SFMBT2: variants seen among roughly 807,000 people sequenced by gnomAD.
The protein encoded by SFMBT2 is Scm like with four mbt domains 2.
Under a neutral mutation model 110.1 loss-of-function variants are expected in SFMBT2, and 38 were observed. That is an observed-to-expected ratio of 0.35 (90% CI 0.27 to 0.45). The LOEUF (loss-of-function observed/expected upper bound fraction) is 0.45. Ranked by LOEUF, SFMBT2 falls within the 20% of genes least tolerant of loss-of-function variation. The probability of loss-of-function intolerance (pLI) is 1.00; values close to 1 mark genes in which losing one functional copy is unlikely to be tolerated. For synonymous variants in SFMBT2, 425 were observed against 425.4 expected (o/e 1.00, Z 0.01); for missense variants, 1,011 against 1,094.9 (o/e 0.92, Z 1.08).
chr10:7,405,285 T>C (rs368906994), intron 1 of SFMBT2, among the ~76,000 whole-genome samples: 2 of 152,212 alleles, frequency 1.3e-5, no homozygotes, highest in East Asian at 3.8e-4. Flanking sequence ...TGGAAGAGTC[T>C]CTTTGAGCCT....
chr10:7,175,018 C>T (rs1428738177), intron 17 of SFMBT2, among the ~76,000 whole-genome samples: 1 of 152,204 alleles, frequency 6.6e-6, no homozygotes, highest in East Asian at 1.9e-4. Flanking sequence ...TCACACTCTG[C>T]ACAGCGTTTC....
rs757121990 is a variant in SFMBT2, at chr10:7,220,406, C to T, written c.1330+5G>A. ...CAGCGACTGCTACCCCCAGCGAGTACGTACCTTCCAGGTGAAGCCACATTA... is the reference window on the plus strand; with the variant it reads ...CAGCGACTGCTACCCCCAGCGAGTATGTACCTTCCAGGTGAAGCCACATTA... On this transcript the variant is annotated splice_donor_5th_base_variant and intron_variant, in intron 11 of 20. Transcript: ENST00000397167. 29 of 1,613,336 alleles carry T rather than the reference C, an allele frequency of 1.8e-5. 1 individual carries two copies. In the East Asian group the frequency reaches 3.8e-4, roughly 21 times the overall value.
chr10:7,338,550 T>C (rs541867734), intron 4 of SFMBT2, among the ~76,000 whole-genome samples: 1 of 152,342 alleles, frequency 6.6e-6, no homozygotes, highest in South Asian at 2.1e-4. Flanking sequence ...TAGTATTCAT[T>C]AAGCGGAAGT....
intron 8 of SFMBT2, among the ~76,000 whole-genome samples, chr10:7,247,277 T>C (rs1769880739): frequency 6.6e-6 from 1 of 151,970 alleles, no homozygotes; most frequent in East Asian, 1.9e-4. Context: ...CCACCATACC[T>C]GGCTAATTTT....
Position 7,255,552 on chromosome 10 carries a change from T to C in SFMBT2, c.871-6903A>G, listed in dbSNP as rs532087718. On this transcript the variant is annotated intron_variant, in intron 7 of 20. Coordinates refer to ENST00000397167, the MANE Select transcript of SFMBT2 (RefSeq NM_001387889.1). ...CATTTTTATTTTTGCCCTAAAGTAG[T>C]TTTATATTGATCAAAAGTAAAATGC... Among the ~76,000 whole-genome samples, 3 of 152,310 alleles carry C rather than the reference T, an allele frequency of 2.0e-5. No homozygotes were observed. In the South Asian group the frequency reaches 6.2e-4, roughly 32 times the overall value.
At chr10:7,188,153 T>C (rs1341071768) in intron 16 of SFMBT2, among the ~76,000 whole-genome samples, 1 of 152,212 alleles carries the variant, frequency 6.6e-6, no homozygotes, top group Non-Finnish European at 1.5e-5. Context: ...TTTGCTGCCA[T>C]TTACTTAACC....
rs763153011 is a variant in SFMBT2 at position 7,176,155 on chromosome 10, T to C, written c.1819A>G (p.Lys607Glu). Residue 607 changes from lysine to glutamate, a missense_variant, in exon 17 of 21, where the codon AAA becomes GAA. Physicochemically the swap from Lys to Glu is moderately conservative, Grantham distance 56. Coordinates refer to ENST00000397167, the MANE Select transcript of SFMBT2 (RefSeq NM_001387889.1). ...EETLKAKYRG[K>E]TYRAVVKIVR... ...ATTTTGACCACAGCCCTGTATGTTT[T>C]GCCTCTGTATCTAGAAAATAGGTGG... 1 of 1,614,212 alleles carries C rather than the reference T, an allele frequency of 6.2e-7. No individual in the cohort carries two copies. The highest frequency in any genetic ancestry group is 8.5e-7 in the Non-Finnish European group (1 of 1,180,016).
At chr10:7,231,292 C>T (rs1261208239) in intron 9 of SFMBT2, among the ~76,000 whole-genome samples, 1 of 152,290 alleles carries the variant, frequency 6.6e-6, no homozygotes, top group East Asian at 1.9e-4. Flanking sequence ...TGGACCTCTG[C>T]TATTTCCTGA....
At chr10:7,243,124 AT>A (rs1840487370) in intron 9 of SFMBT2, among the ~76,000 whole-genome samples, 1 of 152,162 alleles carries the variant, frequency 6.6e-6, no homozygotes, top group African/African-American at 2.4e-5. Context: ...ATAGCATCTA[AT>A]TGTCGGATAT....
chr10:7,242,697 C>A (rs1459453337), intron 9 of SFMBT2, among the ~76,000 whole-genome samples: 1 of 152,128 alleles, frequency 6.6e-6, no homozygotes, highest in Non-Finnish European at 1.5e-5. Flanking sequence ...AGCAGGCAGG[C>A]ACCATTAAAT....
chr10:7,342,233 G>T (rs1843931154), intron 4 of SFMBT2, among the ~76,000 whole-genome samples: 1 of 152,056 alleles, frequency 6.6e-6, no homozygotes. Context: ...GATATTACGT[G>T]AGTTTAGAGC....
intron 4 of SFMBT2, among the ~76,000 whole-genome samples, chr10:7,315,181 TTG>T (rs2131916336): frequency 6.6e-6 from 1 of 152,174 alleles, no homozygotes; most frequent in Non-Finnish European, 1.5e-5. Context: ...TGAGGGTCCA[TTG>T]TGTGTGTCAA....
At chr10:7,239,026 C>T (rs564067075) in intron 9 of SFMBT2, among the ~76,000 whole-genome samples, 2 of 152,290 alleles carry the variant, frequency 1.3e-5, no homozygotes, top group South Asian at 2.1e-4. Flanking sequence ...CTGAAAAACT[C>T]GTATCCACTC....
At chr10:7,343,744 CAAG>C (rs1164296418) in intron 4 of SFMBT2, among the ~76,000 whole-genome samples, 2 of 152,176 alleles carry the variant, frequency 1.3e-5, no homozygotes, top group Non-Finnish European at 2.9e-5. Context: ...CCTTTCTACA[CAAG>C]AAAACCATAC....
chr10:7,309,984 G>C (rs1002984073), intron 4 of SFMBT2, among the ~76,000 whole-genome samples: 6 of 152,138 alleles, frequency 3.9e-5, no homozygotes, highest in Non-Finnish European at 8.8e-5. Context: ...TGTTGTAGGG[G>C]ACAGCGCTGT....
At chr10:7,329,021 A>C (rs1460672116) in intron 4 of SFMBT2, among the ~76,000 whole-genome samples, 1 of 152,216 alleles carries the variant, frequency 6.6e-6, no homozygotes, top group Non-Finnish European at 1.5e-5. Flanking sequence ...CCGGCTCCTG[A>C]ATTCACATGA....
At chr10:7,246,936 G>T (rs79079538) in intron 8 of SFMBT2, among the ~76,000 whole-genome samples, 2,478 of 151,992 alleles carry the variant, frequency 0.016, 82 homozygotes, top group African/African-American at 0.057. Flanking sequence ...GGTCCATTTT[G>T]GAAAAATATC....
At chr10:7,345,763 TG>T (rs890294375) in intron 4 of SFMBT2, among the ~76,000 whole-genome samples, 1 of 152,056 alleles carries the variant, frequency 6.6e-6, no homozygotes, top group Admixed American at 6.6e-5. Context: ...CACAGAAGTG[TG>T]TCCTTCCCTT....
chr10:7,238,495 A>G (rs1840330430), intron 9 of SFMBT2, among the ~76,000 whole-genome samples: 1 of 152,228 alleles, frequency 6.6e-6, no homozygotes. Flanking sequence ...CGTGAGTGAC[A>G]AAATGGATTA....
Sources: allele counts gnomAD v4.1 joint callset (sites outside exome capture counted in the v4.1 genomes callset), GRCh38; gene constraint gnomAD v4.1.1; transcripts MANE v1.5; gene names NCBI Gene and HGNC (gene_info 2026-07-23, HGNC 2026-07-21).